LPA: variants seen among roughly 807,000 people sequenced by gnomAD.
LPA encodes the protein apolipoprotein(a).
In LPA, 199 loss-of-function variants were observed where a neutral mutation model predicts 197.9. The observed-to-expected ratio is 1.01, with a 90% CI of 0.90 to 1.13. The LOEUF (loss-of-function observed/expected upper bound fraction) is 1.13, where lower values mean the gene tolerates loss of function less well. Among genes scored for constraint, LPA ranks in the 50% most tolerant of loss-of-function variants. LPA has a pLI of 0.00. For synonymous variants in LPA, 715 were observed against 639.5 expected, an observed-to-expected ratio of 1.12 and a Z score of -1.78; for missense variants, 1,853 against 1,785.8, an observed-to-expected ratio of 1.04 and a Z score of -0.68.
chr6:160,594,593 A>C (rs1779094477), intron 21 of LPA, among the ~76,000 whole-genome samples: 1 of 152,218 alleles, frequency 6.6e-6, no homozygotes, highest in African/African-American at 2.4e-5. Flanking sequence ...TCCTGCATCT[A>C]GGACTCGTAG....
chr6:160,604,451 A>T (rs1779305184), intron 18 of LPA, among the ~76,000 whole-genome samples: 1 of 152,090 alleles, frequency 6.6e-6, no homozygotes, highest in Non-Finnish European at 1.5e-5. Context: ...GCTTCTGTCC[A>T]TCTATCCACC....
chr6:160,608,444 A>T (rs1779407489), intron 16 of LPA, among the ~76,000 whole-genome samples: 1 of 152,142 alleles, frequency 6.6e-6, no homozygotes, highest in African/African-American at 2.4e-5. Flanking sequence ...TTTGACGAGA[A>T]TGCATTAGCA....
chr6:160,610,183 A>T (rs1438251657), intron 16 of LPA, among the ~76,000 whole-genome samples: 1 of 152,022 alleles, frequency 6.6e-6, no homozygotes, highest in Non-Finnish European at 1.5e-5. Context: ...ACGTAGTCAA[A>T]TTTTTAATTT....
chr6:160,592,547 A>T (rs1779049618), intron 22 of LPA, among the ~76,000 whole-genome samples: 1 of 152,012 alleles, frequency 6.6e-6, no homozygotes, highest in Non-Finnish European at 1.5e-5. Context: ...GTGTTGAGTG[A>T]TTTTTCTCCC....
intron 2 of LPA, among the ~76,000 whole-genome samples, chr6:160,647,024 T>C (rs971846467): frequency 6.6e-6 from 1 of 152,178 alleles, no homozygotes; most frequent in Non-Finnish European, 1.5e-5. Flanking sequence ...TCAAGTAGGT[T>C]TGTTTCTGCA....
At chr6:160,648,545 A>G (rs1376514711) in intron 2 of LPA, among the ~76,000 whole-genome samples, 1 of 151,500 alleles carries the variant, frequency 6.6e-6, no homozygotes, top group East Asian at 1.9e-4. Flanking sequence ...TTCATTTTTC[A>G]GCATTTGTGG....
intron 26 of LPA, among the ~76,000 whole-genome samples, chr6:160,581,937 GT>G (rs1778809544): frequency 6.6e-6 from 1 of 152,132 alleles, no homozygotes; most frequent in African/African-American, 2.4e-5. Context: ...TATCAATAAA[GT>G]TTTTTTGTTT....
chr6:160,606,434 C>T, intron 17 of LPA, 43 bp downstream of exon 17: 5 of 1,606,742 alleles, frequency 3.1e-6, no homozygotes, highest in Non-Finnish European at 4.3e-6. Flanking sequence ...GGCTTTTCAT[C>T]CCAGCATCGA....
rs1356786030 is a variant in LPA, at chr6:160,586,661, G to A, written c.3948-31C>T. 46 of 1,613,038 alleles carry A rather than the reference G, an allele frequency of 2.9e-5. 1 individual carries two copies. Among genetic ancestry groups the A allele is most frequent in the African/African-American group, 5.3e-5 (4 of 74,878 alleles). On this transcript the variant is annotated intron_variant, in intron 24 of 38. Transcript: ENST00000316300. ...AATTCCAAAACAATACAGGTCACCA[G>A]AGATTGGAGAAGATACAGCACCACC...
chr6:160,558,734 G>A (rs1371713526), intron 28 of LPA, among the ~76,000 whole-genome samples: 1 of 152,190 alleles, frequency 6.6e-6, no homozygotes, highest in Non-Finnish European at 1.5e-5. Context: ...AAACAATGGA[G>A]TAAGAGGCAC....
At chr6:160,561,476 C>T (rs1778360939) in intron 28 of LPA, among the ~76,000 whole-genome samples, 1 of 152,068 alleles carries the variant, frequency 6.6e-6, no homozygotes, top group African/African-American at 2.4e-5. Context: ...TTACTGTAGC[C>T]TTGTAGTATA....
chr6:160,566,179 A>G (rs911391503), intron 28 of LPA, among the ~76,000 whole-genome samples: 2 of 152,116 alleles, frequency 1.3e-5, no homozygotes, highest in African/African-American at 4.8e-5. Flanking sequence ...AAATACAGAG[A>G]ATGCCACAAA....
Position 160,606,574 on chromosome 6 carries a change from C to T in LPA, c.2688G>A (p.Glu896=), listed in dbSNP as rs557090640. 2 of 1,613,762 alleles carry T rather than the reference C, an allele frequency of 1.2e-6. No homozygotes were observed. The highest frequency in any genetic ancestry group is 1.3e-5 in the African/African-American group (1 of 74,912). Residue 896 remains glutamate, a synonymous_variant, in exon 17 of 39, where the codon GAG becomes GAA. Coordinates refer to ENST00000316300, the MANE Select transcript of LPA (RefSeq NM_005577.4). ...CYTRDPSVRW[E]YCNLTQCSDA... ...CTGAGCATTGTGTCAGGTTGCAGTACTCCCACCTGACACTGGGATCCCTCG... is the reference window on the plus strand; with the variant it reads ...CTGAGCATTGTGTCAGGTTGCAGTATTCCCACCTGACACTGGGATCCCTCG...
chr6:160,653,527 A>G (rs1488699971), intron 1 of LPA, among the ~76,000 whole-genome samples: 1 of 151,992 alleles, frequency 6.6e-6, no homozygotes, highest in African/African-American at 2.4e-5. Context: ...CTGAAGTTGA[A>G]TCAGTAATTA....
At chr6:160,577,062 G>A (rs1583591290) in intron 28 of LPA, 74 bp downstream of exon 28, 1 of 1,569,904 alleles carries the variant, frequency 6.4e-7, no homozygotes. Context: ...TAGGAAGTGA[G>A]CTTAAAGCAT....
chr6:160,587,751 T>TTGTGTGTG (rs67979615), intron 24 of LPA, among the ~76,000 whole-genome samples: 97 of 125,446 alleles, frequency 7.7e-4, no homozygotes, highest in Middle Eastern at 4.1e-3. Context: ...GGTTCAGTCT[T>TTGTGTGTG]TGTGTGTGTG....
At chr6:160,584,314 C>A (rs1421923327) in intron 26 of LPA, among the ~76,000 whole-genome samples, 14 of 143,650 alleles carry the variant, frequency 9.7e-5, no homozygotes, top group Non-Finnish European at 1.8e-4. Context: ...TCTTCCTCTT[C>A]TTCTTTTCTT....
At chr6:160,594,380 T>C (rs1054283604) in intron 21 of LPA, among the ~76,000 whole-genome samples, 2 of 152,218 alleles carry the variant, frequency 1.3e-5, no homozygotes, top group South Asian at 2.1e-4. Context: ...ATTGCACTCA[T>C]GTGCATGCTC....
At chr6:160,604,601 T>C (rs771775789) in intron 18 of LPA, among the ~76,000 whole-genome samples, 2 of 152,156 alleles carry the variant, frequency 1.3e-5, no homozygotes, top group Non-Finnish European at 2.9e-5. Flanking sequence ...GACGTAGATA[T>C]AGAAAGAGAT....
Sources: allele counts gnomAD v4.1 joint callset (sites outside exome capture counted in the v4.1 genomes callset), GRCh38; gene constraint gnomAD v4.1.1; transcripts MANE v1.5; gene names NCBI Gene and HGNC (gene_info 2026-07-23, HGNC 2026-07-21).